OR11A1: variants seen among roughly 807,000 people sequenced by gnomAD.
OR11A1 encodes the protein olfactory receptor family 11 subfamily A member 1, also known as olfactory receptor 11A1.
For synonymous variants in OR11A1, 158 were observed against 152.2 expected, an observed-to-expected ratio of 1.04 and a Z score of -0.28; for missense variants, 380 against 378.2, an observed-to-expected ratio of 1.00 and a Z score of -0.04.
intron 1 of OR11A1, among the ~76,000 whole-genome samples, chr6:29,449,729 C>A (rs970758751): frequency 2.0e-5 from 3 of 152,222 alleles, no homozygotes; most frequent in Admixed American, 2.0e-4. Flanking sequence ...CTCCACCTCC[C>A]AGGTTTAAGC....
At chr6:29,433,488 A>G (rs1783389555) in intron 1 of OR11A1, among the ~76,000 whole-genome samples, 1 of 152,180 alleles carries the variant, frequency 6.6e-6, no homozygotes, top group African/African-American at 2.4e-5. Flanking sequence ...AGATTCATCC[A>G]TGTTGTTGCA....
chr6:29,456,513 A>G (rs1018260074), intron 1 of OR11A1, among the ~76,000 whole-genome samples: 6 of 152,106 alleles, frequency 3.9e-5, no homozygotes, highest in Non-Finnish European at 7.4e-5. Flanking sequence ...CCGTCTCAAA[A>G]AAAAAAAAAT....
At chr6:29,452,247 A>G (rs1471734799) in intron 1 of OR11A1, among the ~76,000 whole-genome samples, 1 of 152,218 alleles carries the variant, frequency 6.6e-6, no homozygotes, top group Non-Finnish European at 1.5e-5. Context: ...TACCTAGGTG[A>G]CAAAATCATT....
At chr6:29,447,353 A>G (rs1032663943) in intron 1 of OR11A1, among the ~76,000 whole-genome samples, 3 of 152,226 alleles carry the variant, frequency 2.0e-5, no homozygotes, top group Admixed American at 6.5e-5. Context: ...TGGACCACAG[A>G]TACCTATACA....
intron 1 of OR11A1, among the ~76,000 whole-genome samples, chr6:29,436,530 GTTAT>G: frequency 6.6e-6 from 1 of 152,228 alleles, no homozygotes; most frequent in South Asian, 2.1e-4. Context: ...TTACAATAAG[GTTAT>G]TTATTGATCA....
chr6:29,455,298 CAT>C lies in OR11A1; in HGVS notation c.-389+1687_-389+1688del, dbSNP rs200624497. Among the ~76,000 whole-genome samples, 1,051 of 152,224 alleles carry C rather than the reference CAT, an allele frequency of 6.9e-3. 10 individuals are homozygous for C. The highest frequency in any genetic ancestry group is 0.022 in the African/African-American group (923 of 41,530). ...TTTTATGCAGAATATATGAAGAACT[CAT>C]ATACTTTTATCATAAAAGGAAACAC... On this transcript the variant is annotated intron_variant, in intron 1 of 4. Coordinates refer to ENST00000377149, the MANE Select transcript of OR11A1 (RefSeq NM_001394828.1).
intron 1 of OR11A1, among the ~76,000 whole-genome samples, chr6:29,451,968 G>A (rs535396953): frequency 3.2e-4 from 48 of 152,170 alleles, no homozygotes; most frequent in Non-Finnish European, 5.6e-4. Context: ...AAAATGCATG[G>A]TACTTATATA....
chr6:29,450,092 A>T (rs1325182697), intron 1 of OR11A1: 2 of 152,250 alleles, frequency 1.3e-5, no homozygotes, highest in Non-Finnish European at 2.9e-5. Flanking sequence ...CTGTGGCAGC[A>T]CAGTTTTATG....
intron 1 of OR11A1, among the ~76,000 whole-genome samples, chr6:29,435,040 C>T (rs1025827257): frequency 6.6e-6 from 1 of 152,190 alleles, no homozygotes; most frequent in Non-Finnish European, 1.5e-5. Context: ...TTACTTTCCA[C>T]TAAGTTAGAA....
rs1782830308 is a variant in OR11A1 at position 29,426,690 on chromosome 6, T to C, written c.*4A>G. 3.1e-6 allele frequency: 5 copies of C among 1,601,522 alleles called. No homozygotes were observed. The highest frequency in any genetic ancestry group is 3.4e-5 in the Admixed American group (2 of 59,230). Reference sequence around the variant, plus strand: ...GTCCAAAATAACATCTTCATTACTCTCCTTCAATCAAGTGTTTCAGTTTGT... The same window carrying C: ...GTCCAAAATAACATCTTCATTACTCCCCTTCAATCAAGTGTTTCAGTTTGT... On this transcript the variant is annotated 3_prime_UTR_variant, in exon 5 of 5. Transcript: ENST00000377149.
At chr6:29,446,978 C>T (rs994316298) in intron 1 of OR11A1, among the ~76,000 whole-genome samples, 2 of 152,166 alleles carry the variant, frequency 1.3e-5, no homozygotes, top group Admixed American at 6.5e-5. Context: ...AGGACTCTGT[C>T]GACCATAGGC....
At chr6:29,438,476 A>C (rs971314517) in intron 1 of OR11A1, among the ~76,000 whole-genome samples, 6 of 152,178 alleles carry the variant, frequency 3.9e-5, no homozygotes, top group Non-Finnish European at 8.8e-5. Flanking sequence ...CAATATACAT[A>C]AGAAGGGTAA....
At chr6:29,440,414 G>A in intron 1 of OR11A1, 4 of 1,614,078 alleles carry the variant, frequency 2.5e-6, no homozygotes, top group Non-Finnish European at 3.4e-6. Flanking sequence ...GCTACCCACT[G>A]CTGCTGAGCC....
At chr6:29,455,851 A>T (rs946310011) in intron 1 of OR11A1, among the ~76,000 whole-genome samples, 2 of 119,668 alleles carry the variant, frequency 1.7e-5, no homozygotes, top group African/African-American at 6.2e-5. Context: ...ACTCCAGCCT[A>T]GGAGACAGAA....
At chr6:29,438,183 C>G (rs1783791497) in intron 1 of OR11A1, among the ~76,000 whole-genome samples, 2 of 152,064 alleles carry the variant, frequency 1.3e-5, no homozygotes, top group Admixed American at 6.6e-5. Flanking sequence ...CTATTTGACA[C>G]ACAGCTTTTA....
In OR11A1 at chr6:29,448,000, A is replaced by G. The variant is rs188856289; in HGVS notation, c.-389+8987T>C. ...CAAAAAAGATCCAAAAGTGATCAAC[A>G]TGACCCTTTCTTTTTTTTTTTTTTT... On this transcript the variant is annotated intron_variant, in intron 1 of 4. Transcript: ENST00000377149. 8.7e-3 allele frequency among the ~76,000 whole-genome samples: 1,268 copies of G among 146,304 alleles called. 12 individuals carry two copies. The highest frequency in any genetic ancestry group is 0.019 in the Middle Eastern group (5 of 264).
intron 2 of OR11A1, among the ~76,000 whole-genome samples, 180 bp from the exon 3 acceptor site, chr6:29,430,605 T>C (rs1330173109): frequency 6.6e-6 from 1 of 152,140 alleles, no homozygotes; most frequent in Non-Finnish European, 1.5e-5. Context: ...AAGTGGGAGC[T>C]AAATAATGTG....
rs909832190 is a variant in OR11A1 at position 29,433,566 on chromosome 6, C to T, written c.-388-1579G>A. On this transcript the variant is annotated intron_variant, in intron 1 of 4. Coordinates refer to ENST00000377149, the MANE Select transcript of OR11A1 (RefSeq NM_001394828.1). ...ACTATGCATATATACCACATTTTCT[C>T]TATCCATTCATCTGCTGAGGGATGC... Among the ~76,000 whole-genome samples the T allele has an allele frequency of 3.9e-5, 6 of 152,268 alleles. No individual in the cohort carries two copies. In the South Asian group the frequency reaches 6.2e-4, roughly 16 times the overall value.
chr6:29,441,570 A>G (rs1784196138), intron 1 of OR11A1, among the ~76,000 whole-genome samples: 1 of 152,218 alleles, frequency 6.6e-6, no homozygotes, highest in Non-Finnish European at 1.5e-5. Context: ...TCACAGGTGA[A>G]TGATATAATC....
Sources: gnomAD v4.1 joint callset for allele counts (sites outside exome capture counted in the v4.1 genomes callset) on GRCh38, gnomAD v4.1.1 for gene constraint, MANE v1.5 for transcripts, NCBI Gene and HGNC (gene_info 2026-07-23, HGNC 2026-07-21) for gene names.